The following TTC17 variants were observed in gnomAD, a reference collection of about 807,000 sequenced individuals.
TTC17 encodes tetratricopeptide repeat protein 17.
In TTC17, 58 loss-of-function variants were observed where a neutral mutation model predicts 143.8. That is an observed-to-expected ratio of 0.40 (90% CI 0.33 to 0.50). The LOEUF is 0.50. Ranked by LOEUF, TTC17 falls within the 20% of genes least tolerant of loss-of-function variation. The probability of loss-of-function intolerance (pLI) is 0.49; values close to 1 mark genes in which losing one functional copy is unlikely to be tolerated. For synonymous variants in TTC17, 501 were observed against 497.8 expected (o/e 1.01, Z -0.09); for missense variants, 1,273 against 1,392.5 (o/e 0.91, Z 1.37).
intron 16 of TTC17, among the ~76,000 whole-genome samples, chr11:43,420,813 T>G (rs955338476): frequency 6.6e-6 from 1 of 152,194 alleles, no homozygotes; most frequent in Non-Finnish European, 1.5e-5. Context: ...AGAATGAGCC[T>G]ATTAGCCCTT....
At chr11:43,412,833 G>A (rs1317763382) in intron 15 of TTC17, among the ~76,000 whole-genome samples, 1 of 152,176 alleles carries the variant, frequency 6.6e-6, no homozygotes, top group African/African-American at 2.4e-5. Context: ...TTCACACATT[G>A]AGAGAGTCAA....
intron 21 of TTC17, among the ~76,000 whole-genome samples, chr11:43,453,182 G>T (rs1043753145): frequency 2.7e-5 from 2 of 73,946 alleles, no homozygotes; most frequent in African/African-American, 4.9e-5. Context: ...ACGAAAATAA[G>T]AGAGTTAAAG....
chr11:43,404,078 G>A lies in TTC17; in HGVS notation c.1413G>A (p.Ser471=), dbSNP rs747175627. The A allele has an allele frequency of 1.3e-5, 21 of 1,613,026 alleles. No homozygotes were observed. In the Admixed American group the frequency reaches 2.2e-4, roughly 17 times the overall value. Reference sequence around the variant, plus strand: ...CAAATCAGAGTGATATCAATGATTCGGTCAAGTCTTCTCCCGTAGCCCATT... The same window carrying A: ...CAAATCAGAGTGATATCAATGATTCAGTCAAGTCTTCTCCCGTAGCCCATT... ...VQSNQSDIND[S]VKSSPVAHSI... The change falls in exon 11 of 24, where the codon TCG becomes TCA. Residue 471 remains serine (S), a synonymous_variant. Coordinates refer to ENST00000039989, the MANE Select transcript of TTC17 (RefSeq NM_018259.6).
At chr11:43,470,061 G>C (rs1054891937) in intron 21 of TTC17, among the ~76,000 whole-genome samples, 6 of 152,126 alleles carry the variant, frequency 3.9e-5, no homozygotes, top group African/African-American at 1.4e-4. Flanking sequence ...ATCTTCCAAA[G>C]TAAAAATGTA....
At chr11:43,449,687 A>G (rs1947619042) in intron 19 of TTC17, 2 of 155,146 alleles carry the variant, frequency 1.3e-5, no homozygotes, top group Admixed American at 6.5e-5. Context: ...AATTTGTCAT[A>G]TTAGTGCATA....
At chr11:43,416,161 G>A (rs2134629260) in intron 16 of TTC17, among the ~76,000 whole-genome samples, 1 of 152,128 alleles carries the variant, frequency 6.6e-6, no homozygotes, top group Non-Finnish European at 1.5e-5. Flanking sequence ...ATATGCTGTG[G>A]TCTTTTTTTG....
intron 12 of TTC17, 29 bp from the exon 13 acceptor site, chr11:43,405,757 A>C (rs1297411061): frequency 8.1e-6 from 13 of 1,612,772 alleles, no homozygotes; most frequent in Non-Finnish European, 1.0e-5. Flanking sequence ...CTTTGAAAAT[A>C]TGAATCTTGT....
chr11:43,363,628 A>G (rs929796357), intron 1 of TTC17, among the ~76,000 whole-genome samples: 3 of 152,210 alleles, frequency 2.0e-5, no homozygotes, highest in Non-Finnish European at 4.4e-5. Context: ...CTCCAATCTT[A>G]CTTAGAACTG....
rs1948510028 is a variant in TTC17 at position 43,493,650 on chromosome 11, C to T, written c.3295-123C>T. On this transcript the variant is annotated intron_variant, in intron 23 of 23. Coordinates refer to ENST00000039989, the MANE Select transcript of TTC17 (RefSeq NM_018259.6). ...CAGAGTTTTCCACAAAGACTTAGATCCGTTGAGCAAATGCTGCGGGATTGT... is the reference window on the plus strand; with the variant it reads ...CAGAGTTTTCCACAAAGACTTAGATTCGTTGAGCAAATGCTGCGGGATTGT... 3.1e-5 allele frequency: 44 copies of T among 1,439,320 alleles called. No homozygotes were observed. In the South Asian group the frequency reaches 5.2e-4, roughly 17 times the overall value. 89.2% of individuals were successfully genotyped at this position (1,439,320 alleles called of 1,614,324 possible).
intron 10 of TTC17, among the ~76,000 whole-genome samples, chr11:43,402,004 TAAA>T (rs1451447834): frequency 6.7e-6 from 1 of 149,946 alleles, no homozygotes. Flanking sequence ...AATAAATAAA[TAAA>T]TAAATAAATA....
intron 21 of TTC17, among the ~76,000 whole-genome samples, chr11:43,476,176 A>G (rs1399822536): frequency 6.6e-6 from 1 of 152,222 alleles, no homozygotes; most frequent in African/African-American, 2.4e-5. Flanking sequence ...TCCTTGGAGA[A>G]ATAGCTTCTA....
At chr11:43,409,147 C>T (rs1858285058) in intron 15 of TTC17, among the ~76,000 whole-genome samples, 1 of 152,160 alleles carries the variant, frequency 6.6e-6, no homozygotes, top group Non-Finnish European at 1.5e-5. Context: ...CTCTACTGTA[C>T]AGGTGATCTC....
intron 1 of TTC17, among the ~76,000 whole-genome samples, chr11:43,367,494 C>A (rs1258730814): frequency 6.6e-6 from 1 of 152,100 alleles, no homozygotes; most frequent in African/African-American, 2.4e-5. Context: ...GGGATTAGAA[C>A]CAGCTGTGGG....
At chr11:43,363,678 A>G (rs1365562501) in intron 1 of TTC17, among the ~76,000 whole-genome samples, 1 of 152,250 alleles carries the variant, frequency 6.6e-6, no homozygotes, top group African/African-American at 2.4e-5. Flanking sequence ...AAGATTATGT[A>G]GTACAACTCC....
chr11:43,446,345 C>T lies in TTC17; in HGVS notation c.2666-1657C>T, dbSNP rs189354353. On this transcript the variant is annotated intron_variant, in intron 18 of 23. Transcript: ENST00000039989. Reference sequence around the variant, plus strand: ...TTTCCTCTGTGCAATTGTTCTATATCTTCGCTCTAGCTCTTTTCCTGTTGT... The same window carrying T: ...TTTCCTCTGTGCAATTGTTCTATATTTTCGCTCTAGCTCTTTTCCTGTTGT... 1.2e-3 allele frequency: 363 copies of T among 291,356 alleles called. 2 individuals carry two copies. Among genetic ancestry groups the T allele is most frequent in the Non-Finnish European group, 1.4e-3 (247 of 181,566 alleles). 18.0% of individuals were successfully genotyped at this position (291,356 alleles called of 1,614,324 possible).
chr11:43,400,779 C>T (rs1169149825), intron 9 of TTC17, among the ~76,000 whole-genome samples: 1 of 152,030 alleles, frequency 6.6e-6, no homozygotes, highest in Non-Finnish European at 1.5e-5. Flanking sequence ...TTTATAGGAA[C>T]TTGGGTTGGC....
intron 1 of TTC17, among the ~76,000 whole-genome samples, chr11:43,360,659 A>T (rs1303381217): frequency 6.6e-6 from 1 of 152,136 alleles, no homozygotes; most frequent in Non-Finnish European, 1.5e-5. Context: ...GAAAGCTGGT[A>T]GAAATGTTTT....
chr11:43,364,781 C>T (rs2134433967), intron 1 of TTC17, among the ~76,000 whole-genome samples: 1 of 152,198 alleles, frequency 6.6e-6, no homozygotes, highest in South Asian at 2.1e-4. Flanking sequence ...ATAATTTTCC[C>T]ACTTTTTCAA....
chr11:43,406,029 T>C (rs932300285), intron 13 of TTC17, 78 bp downstream of exon 13: 5 of 1,464,058 alleles, frequency 3.4e-6, no homozygotes, highest in African/African-American at 2.8e-5. Flanking sequence ...AACAAAAAAT[T>C]GATAGAAGGT....
Sources: gnomAD v4.1 joint callset for allele counts (sites outside exome capture counted in the v4.1 genomes callset) on GRCh38, gnomAD v4.1.1 for gene constraint, MANE v1.5 for transcripts, NCBI Gene and HGNC (gene_info 2026-07-23, HGNC 2026-07-21) for gene names.